Variants in SPTBN2 observed in about 807,000 individuals in gnomAD.
SPTBN2 encodes the protein spectrin beta chain, non-erythrocytic 2.
SPTBN2 carries 107 observed loss-of-function variants against 284.2 expected under a neutral mutation model. That is an observed-to-expected ratio of 0.38 (90% confidence interval 0.32 to 0.44). The LOEUF is 0.44. Ranked by LOEUF, SPTBN2 falls within the 20% of genes least tolerant of loss-of-function variation. SPTBN2 has a pLI of 1.00. For missense variants in SPTBN2, 2,569 were observed against 3,287.1 expected, an observed-to-expected ratio of 0.78 and a Z score of 5.34; for synonymous variants, 1,289 against 1,354.8, an observed-to-expected ratio of 0.95 and a Z score of 1.07.
intron 15 of SPTBN2, 151 bp downstream of exon 15, chr11:66,704,447 G>A: frequency 1.1e-6 from 1 of 950,538 alleles, no homozygotes; most frequent in Non-Finnish European, 1.5e-6. Flanking sequence ...TTGTGAGTAT[G>A]GTTAACATTT....
At chr11:66,732,005 A>G (rs1267692262), upstream of SPTBN2, among the ~76,000 whole-genome samples, 1 of 152,384 alleles carries the variant, frequency 6.6e-6, no homozygotes, top group African/African-American at 2.4e-5. Context: ...GAACAGAGTC[A>G]TAACCTCAGA....
At chr11:66,706,360 C>T (rs967044681) in intron 13 of SPTBN2, among the ~76,000 whole-genome samples, 3 of 152,212 alleles carry the variant, frequency 2.0e-5, no homozygotes, top group South Asian at 2.1e-4. Context: ...GATGGAGTCT[C>T]GCTCCTGTAG....
chr11:66,703,193 C>A (rs898483786), intron 15 of SPTBN2, among the ~76,000 whole-genome samples: 7 of 151,756 alleles, frequency 4.6e-5, no homozygotes, highest in African/African-American at 1.5e-4. Flanking sequence ...AATCCTCCTG[C>A]CTCAGCCTCC....
chr11:66,740,894 TAAG>T (rs764670290), intron 1 of SPTBN2, among the ~76,000 whole-genome samples: 6 of 152,088 alleles, frequency 3.9e-5, no homozygotes, highest in Non-Finnish European at 8.8e-5. Context: ...GGTGGGGCCT[TAAG>T]AAGTGTCTAG....
At position 66,713,704 on chromosome 11, in the gene SPTBN2, T is replaced by A. The variant is rs772043485; in HGVS notation, c.699A>T (p.Ala233=). 21 of 1,614,172 alleles carry A rather than the reference T, an allele frequency of 1.3e-5. No homozygotes were observed. Among genetic ancestry groups the A allele is most frequent in the Non-Finnish European group, 1.8e-5 (21 of 1,180,044 alleles). The change falls in exon 8 of 38, where the codon GCA becomes GCT. Residue 233 remains alanine (A), a synonymous_variant. Coordinates refer to ENST00000533211, the MANE Select transcript of SPTBN2 (RefSeq NM_006946.4). ...TGAATGCATTCTGCAGATTATAGTG[T>A]GCATTACACTTCTTCAGAGACTCAA... ...LDFESLKKCN[A]HYNLQNAFNL...
Position 66,691,371 on chromosome 11 carries a change from G to A in SPTBN2, c.5478C>T (p.Asp1826=), listed in dbSNP as rs147183607. 3.8e-5 allele frequency: 60 copies of A among 1,593,276 alleles called. No individual in the cohort carries two copies. Among genetic ancestry groups the A allele is most frequent in the African/African-American group, 3.6e-4 (27 of 74,700 alleles). ...RVQHKQQQLP[D]GTGRDLNAAE... ...CAGCGTTGAGGTCGCGGCCAGTCCC[G>A]TCCGGAAGCTGCTGCTGCTTGTGCT... Residue 1826 remains aspartate (D), a synonymous_variant, in exon 27 of 38, where the codon GAC becomes GAT. Coordinates refer to ENST00000533211, the MANE Select transcript of SPTBN2 (RefSeq NM_006946.4). This position sits in a 1 kb window ranked among gnomAD's most constrained non-coding sequence, Gnocchi z 8.0.
chr11:66,700,474 G>T lies in SPTBN2; in HGVS notation c.3573+52C>A. 1 of 1,597,352 alleles carries T rather than the reference G, an allele frequency of 6.3e-7. No homozygotes were observed. Among genetic ancestry groups the T allele is most frequent in the Non-Finnish European group, 8.5e-7 (1 of 1,179,124 alleles). On this transcript the variant is annotated intron_variant, in intron 17 of 37. Coordinates refer to ENST00000533211, the MANE Select transcript of SPTBN2 (RefSeq NM_006946.4). This position sits in a 1 kb window ranked among gnomAD's most constrained non-coding sequence, Gnocchi z 6.6. ...CCATCCTGCTCCTTCACATTTCCCC[G>T]GGTCCCTACTTTGCTCTTCCTCCTG...
At chr11:66,740,799 C>T (rs570847682) in intron 1 of SPTBN2, among the ~76,000 whole-genome samples, 1 of 152,230 alleles carries the variant, frequency 6.6e-6, no homozygotes, top group South Asian at 2.1e-4. Flanking sequence ...CTTGGAAAGG[C>T]GGACCTCAAG....
At position 66,683,161 on chromosome 11, in the gene SPTBN2, G is replaced by T. The variant is rs55763233; in HGVS notation, c.*2710C>A. Among the ~76,000 whole-genome samples the T allele has an allele frequency of 7.7e-6, 1 of 130,610 alleles. No individual in the cohort carries two copies. The highest frequency in any genetic ancestry group is 2.5e-4 in the East Asian group (1 of 3,958). The allele number at this position is 130,610 out of a possible 152,430, so 85.7% of individuals were successfully genotyped here. A position where few individuals can be genotyped will look rare whatever the true frequency, so the allele number is the denominator to read the frequency against. ...CGGCTCACTGCAAGCTCCGCCTCCC[G>T]GGTTCACGCCATTCTCCTGCCTCAG... On this transcript the variant is annotated 3_prime_UTR_variant, in exon 38 of 38. Coordinates refer to ENST00000533211, the MANE Select transcript of SPTBN2 (RefSeq NM_006946.4).
chr11:66,692,884 G>C, intron 25 of SPTBN2, 86 bp downstream of exon 25: 1 of 1,596,062 alleles, frequency 6.3e-7, no homozygotes, highest in Non-Finnish European at 8.5e-7. Context: ...CGTGCACACA[G>C]CACTGAAGGC....
At chr11:66,705,581 G>A (rs958979044) in intron 14 of SPTBN2, 103 bp downstream of exon 14, 2 of 1,601,732 alleles carry the variant, frequency 1.2e-6, no homozygotes, top group East Asian at 2.2e-5. Flanking sequence ...CCATCGTTTG[G>A]CCACCATCTT....
chr11:66,689,752 C>T, intron 29 of SPTBN2, 53 bp downstream of exon 29: 1 of 1,608,474 alleles, frequency 6.2e-7, no homozygotes, highest in Non-Finnish European at 8.5e-7. Flanking sequence ...ACCAAGAAGT[C>T]AGCGTTCAGC....
intron 37 of SPTBN2, 53 bp from the exon 38 acceptor site, chr11:66,686,157 C>T (rs1000757791): frequency 2.8e-5 from 44 of 1,553,354 alleles, no homozygotes; most frequent in East Asian, 6.9e-5. Context: ...CTGAGTTGGC[C>T]GCAGTGGACA....
At position 66,714,136 on chromosome 11, in the gene SPTBN2, C is replaced by G. The variant is rs1367430773; in HGVS notation, c.611G>C (p.Ser204Thr). Residue 204 changes from serine (S) to threonine (T), a missense_variant, in exon 7 of 38, where the codon AGC becomes ACC. Around this residue, in one of 6 missense-constraint regions of SPTBN2, gnomAD observed 304 missense variants for 522.1 expected, o/e 0.58. Coordinates refer to ENST00000533211, the MANE Select transcript of SPTBN2 (RefSeq NM_006946.4). ...PNVNVHNFTT[S>T]WRDGLAFNAI... is the part of the protein sequence containing the mutation. ...GTTGAAAGCTAGTCCATCTCTCCAGCTGGTGGTGAAGTTGTGTACATTGAC... is the reference window on the plus strand; with the variant it reads ...GTTGAAAGCTAGTCCATCTCTCCAGGTGGTGGTGAAGTTGTGTACATTGAC... 3 of 1,614,208 alleles carry G rather than the reference C, an allele frequency of 1.9e-6. No homozygotes were observed. Among genetic ancestry groups the G allele is most frequent in the Non-Finnish European group, 2.5e-6 (3 of 1,180,038 alleles).
Position 66,708,348 on chromosome 11 carries a change from C to G in SPTBN2, c.1192-49G>C. 6.6e-7 allele frequency: 1 copy of G among 1,510,112 alleles called. No individual in the cohort carries two copies. The highest frequency in any genetic ancestry group is 8.9e-7 in the Non-Finnish European group (1 of 1,123,142). The allele number at this position is 1,510,112 out of a possible 1,614,324, so 93.5% of individuals were successfully genotyped here. A position where few individuals can be genotyped will look rare whatever the true frequency, so the allele number is the denominator to read the frequency against. ...TGGAAGGGACAGGGTGGGGAGGGCT[C>G]AGTGGGGCTGGAGGCACATGGTAAG... On this transcript the variant is annotated intron_variant, in intron 11 of 37. Transcript: ENST00000533211. This position sits in a 1 kb window ranked among gnomAD's most constrained non-coding sequence, Gnocchi z 4.4.
intron 6 of SPTBN2, 72 bp from the exon 7 acceptor site, chr11:66,714,243 T>C: frequency 6.2e-7 from 1 of 1,607,110 alleles, no homozygotes; most frequent in Non-Finnish European, 8.5e-7. Flanking sequence ...AGTCACCAGC[T>C]CATGGTTCCT....
chr11:66,743,028 C>T (rs1423719267), intron 1 of SPTBN2, among the ~76,000 whole-genome samples: 1 of 151,672 alleles, frequency 6.6e-6, no homozygotes, highest in Non-Finnish European at 1.5e-5. Flanking sequence ...ATGTAAAGAG[C>T]TAGTGGGGTC....
chr11:66,742,225 TAAGAAA>T (rs531137122), intron 1 of SPTBN2, among the ~76,000 whole-genome samples: 174 of 152,326 alleles, frequency 1.1e-3, no homozygotes, highest in Middle Eastern at 6.8e-3. Context: ...TTAAGATGAA[TAAGAAA>T]AAGTGAAGAG....
Position 66,691,138 on chromosome 11 carries a change from G to T in SPTBN2, c.5565+146C>A. On this transcript the variant is annotated intron_variant, in intron 27 of 37. Transcript: ENST00000533211. This position sits in a 1 kb window ranked among gnomAD's most constrained non-coding sequence, Gnocchi z 8.0. ...GGCCAAACAGAGATGTTTTCTTGGA[G>T]CAATTTCCTCATCTCGAAATGGCCC... 1 of 1,248,920 alleles carries T rather than the reference G, an allele frequency of 8.0e-7. No individual in the cohort carries two copies. The highest frequency in any genetic ancestry group is 1.1e-6 in the Non-Finnish European group (1 of 927,650). The allele number at this position is 1,248,920 out of a possible 1,614,324, so 77.4% of individuals were successfully genotyped here.
Sources: allele counts gnomAD v4.1 joint callset (sites outside exome capture counted in the v4.1 genomes callset), GRCh38; gene constraint gnomAD v4.1.1; regional missense constraint gnomAD v4.1.1; non-coding constraint Gnocchi (gnomAD v3.1); transcripts MANE v1.5; gene names NCBI Gene and HGNC (gene_info 2026-07-23, HGNC 2026-07-21).